The following CTNNA2 variants were observed in gnomAD, a reference collection of about 807,000 sequenced individuals.
The protein encoded by CTNNA2 is catenin alpha-2.
Under a neutral mutation model 101.0 loss-of-function variants are expected in CTNNA2, and 42 were observed. That is an observed-to-expected ratio of 0.42 (90% CI 0.32 to 0.54). The LOEUF (loss-of-function observed/expected upper bound fraction) is 0.54, where lower values mean the gene tolerates loss of function less well. Among genes scored for constraint, CTNNA2 ranks in the 20% least tolerant of loss-of-function variants. The pLI is 0.14. For synonymous variants in CTNNA2, 450 were observed against 456.4 expected (o/e 0.99, Z 0.18); for missense variants, 871 against 1,223.1 (o/e 0.71, Z 4.29).
chr2:80,481,081 G>T (rs1686107641), intron 9 of CTNNA2, among the ~76,000 whole-genome samples: 1 of 152,058 alleles, frequency 6.6e-6, no homozygotes, highest in Non-Finnish European at 1.5e-5. Flanking sequence ...TGGTTACCTG[G>T]ACATTCCTTT....
rs540619765 is a variant in CTNNA2 at position 80,113,335 on chromosome 2, A to G, written c.1056+203538A>G. Among the ~76,000 whole-genome samples, 53 of 152,370 alleles carry G rather than the reference A, an allele frequency of 3.5e-4. No individual in the cohort carries two copies. In the South Asian group the frequency reaches 5.0e-3, roughly 14 times the overall value. On this transcript the variant is annotated intron_variant, in intron 7 of 18. Coordinates refer to ENST00000402739, the MANE Select transcript of CTNNA2 (RefSeq NM_001282597.3). ...TTTTAAATGCGTTAATCACAATTGT[A>G]TTGACGTACATTGAGGACAGAGCAG...
chr2:79,482,051 G>A (rs1442215516), intron 4 of CTNNA2, among the ~76,000 whole-genome samples: 1 of 152,146 alleles, frequency 6.6e-6, no homozygotes, highest in Non-Finnish European at 1.5e-5. Context: ...TAGATTCAGA[G>A]TAAGATTTTT....
rs533225226 is a variant in CTNNA2 at position 79,440,304 on chromosome 2, G to A, written c.-134-64750G>A. 6.6e-5 allele frequency among the ~76,000 whole-genome samples: 10 copies of A among 152,174 alleles called. No homozygotes were observed. In the South Asian group the frequency reaches 8.3e-4, roughly 13 times the overall value. ...TATGGCAGTAACGTAGAAAGGAAGG[G>A]GAAGGAAAAATTTATGGGAGAAGTA... On this transcript the variant is annotated intron_variant, in intron 4 of 21. Coordinates refer to the CTNNA2 transcript ENST00000466387.
At chr2:79,907,308 C>T (rs1463054870) in intron 6 of CTNNA2, among the ~76,000 whole-genome samples, 3 of 150,818 alleles carry the variant, frequency 2.0e-5, no homozygotes, top group African/African-American at 4.9e-5. Context: ...TATTTCTTAA[C>T]GTATATTATA....
intron 7 of CTNNA2, among the ~76,000 whole-genome samples, chr2:80,296,461 T>A (rs1675752557): frequency 6.6e-6 from 1 of 152,238 alleles, no homozygotes; most frequent in Non-Finnish European, 1.5e-5. Flanking sequence ...CTAGTTAATT[T>A]AAGTTTTGCC....
At chr2:80,326,839 C>T (rs1383008115) in intron 7 of CTNNA2, among the ~76,000 whole-genome samples, 1 of 152,146 alleles carries the variant, frequency 6.6e-6, no homozygotes, top group East Asian at 1.9e-4. Context: ...TCAGATTTCT[C>T]ATACACTGTG....
At chr2:79,882,007 A>C (rs1683468194) in intron 6 of CTNNA2, among the ~76,000 whole-genome samples, 1 of 151,804 alleles carries the variant, frequency 6.6e-6, no homozygotes, top group Non-Finnish European at 1.5e-5. Context: ...CCTGTTGGTA[A>C]CAAAATCTCT....
chr2:79,215,637 G>GGTT (rs1674245189), intron 2 of CTNNA2, among the ~76,000 whole-genome samples: 1 of 152,086 alleles, frequency 6.6e-6, no homozygotes, highest in African/African-American at 2.4e-5. Context: ...TCATGTACTG[G>GGTT]GCTGGGTTTT....
chr2:79,290,600 A>G, intron 2 of CTNNA2, among the ~76,000 whole-genome samples: 1 of 152,118 alleles, frequency 6.6e-6, no homozygotes, highest in Non-Finnish European at 1.5e-5. Context: ...AAGAACACAC[A>G]AGCGGCTGGA....
At chr2:79,675,517 T>G (rs965960004) in intron 2 of CTNNA2, among the ~76,000 whole-genome samples, 2 of 152,220 alleles carry the variant, frequency 1.3e-5, no homozygotes, top group African/African-American at 4.8e-5. Flanking sequence ...AAACCAAACA[T>G]ACCTCTTTAC....
chr2:79,670,757 T>C (rs1682783038), intron 2 of CTNNA2, among the ~76,000 whole-genome samples: 1 of 152,200 alleles, frequency 6.6e-6, no homozygotes. Context: ...AGCTGAGTTT[T>C]GTGATTAACG....
chr2:80,249,287 C>T (rs566763569), intron 7 of CTNNA2, among the ~76,000 whole-genome samples: 1 of 152,150 alleles, frequency 6.6e-6, no homozygotes, highest in Non-Finnish European at 1.5e-5. Flanking sequence ...AGCTCCTCGT[C>T]GCATAGGGCA....
intron 2 of CTNNA2, among the ~76,000 whole-genome samples, chr2:79,221,353 A>G (rs1436933739): frequency 6.6e-6 from 1 of 152,068 alleles, no homozygotes; most frequent in Non-Finnish European, 1.5e-5. Context: ...GAGCCTTGCT[A>G]TGTTTCCCAG....
At chr2:80,070,098 TC>T (rs1212455607) in intron 7 of CTNNA2, among the ~76,000 whole-genome samples, 1 of 152,172 alleles carries the variant, frequency 6.6e-6, no homozygotes, top group Non-Finnish European at 1.5e-5. Flanking sequence ...ACACTGTAAC[TC>T]CCTTCTCAGT....
intron 7 of CTNNA2, among the ~76,000 whole-genome samples, chr2:80,357,548 T>A (rs1673958638): frequency 6.6e-6 from 1 of 152,056 alleles, no homozygotes; most frequent in African/African-American, 2.4e-5. Flanking sequence ...ATGGAACTGG[T>A]TCTTCTTCCC....
At chr2:80,398,868 A>G (rs967289048) in intron 8 of CTNNA2, among the ~76,000 whole-genome samples, 3 of 151,336 alleles carry the variant, frequency 2.0e-5, no homozygotes, top group Non-Finnish European at 4.4e-5. Context: ...CTCTGTCTCA[A>G]AAAAAAAGAA....
chr2:79,629,519 G>T (rs530637912), intron 1 of CTNNA2, among the ~76,000 whole-genome samples: 12 of 152,304 alleles, frequency 7.9e-5, no homozygotes, highest in African/African-American at 2.9e-4. Flanking sequence ...TGGTTCTGGT[G>T]ATTAGTAGGC....
chr2:80,467,049 A>G (rs984167903), intron 9 of CTNNA2, among the ~76,000 whole-genome samples: 7 of 152,214 alleles, frequency 4.6e-5, no homozygotes, highest in Admixed American at 1.3e-4. Context: ...TAGGCATGCC[A>G]TGTTTACTCA....
chr2:79,877,813 A>G (rs1683139942), intron 6 of CTNNA2, among the ~76,000 whole-genome samples: 1 of 152,222 alleles, frequency 6.6e-6, no homozygotes, highest in Non-Finnish European at 1.5e-5. Flanking sequence ...ATTTTCATAG[A>G]CAGCACAGCT....
Sources: allele counts gnomAD v4.1 joint callset (sites outside exome capture counted in the v4.1 genomes callset), GRCh38; gene constraint gnomAD v4.1.1; transcripts MANE v1.5; gene names NCBI Gene and HGNC (gene_info 2026-07-23, HGNC 2026-07-21).